COLEC12: variants seen among roughly 807,000 people sequenced by gnomAD.
COLEC12 encodes the protein collectin subfamily member 12, also known as collectin-12.
Under a neutral mutation model 71.1 loss-of-function variants are expected in COLEC12, and 33 were observed. The observed-to-expected ratio is 0.46, with a 90% confidence interval of 0.35 to 0.62. The LOEUF (loss-of-function observed/expected upper bound fraction) is 0.62. COLEC12 is among the 20% of genes least tolerant of loss of function. COLEC12 has a pLI of 0.00. For missense variants in COLEC12, 765 were observed against 916.1 expected (o/e 0.84, Z 2.13); for synonymous variants, 350 against 353.0 (o/e 0.99, Z 0.10).
chr18:346,642 A>T lies in COLEC12; in HGVS notation c.980T>A (p.Ile327Asn). ...LHKDAENRTA[I>N]KFNQLEERFQ... is the part of the protein sequence containing the mutation. The stretch of plus-strand genomic sequence containing the variant: ...GCGTTCCTCCAGTTGGTTGAACTTG[A>T]TGGCTGTTCTATTCTCTGCATCTTT... Residue 327 changes from isoleucine to asparagine, a missense_variant, in exon 5 of 10, where the codon ATC becomes AAC. Coordinates refer to ENST00000400256, the MANE Select transcript of COLEC12 (RefSeq NM_130386.3). The surrounding 1 kb of genome is among the most constrained non-coding windows in gnomAD (Gnocchi z 4.0). The T allele has an allele frequency of 6.2e-7, 1 of 1,614,124 alleles. No individual in the cohort carries two copies. The highest frequency in any genetic ancestry group is 8.5e-7 in the Non-Finnish European group (1 of 1,180,018).
At chr18:366,233 G>C (rs1317172850) in intron 2 of COLEC12, among the ~76,000 whole-genome samples, 8 of 152,190 alleles carry the variant, frequency 5.3e-5, no homozygotes, top group African/African-American at 1.4e-4. Flanking sequence ...TGTAGCGGGG[G>C]ACGTAGATGT....
chr18:435,060 T>G (rs1916377654), intron 2 of COLEC12, among the ~76,000 whole-genome samples: 1 of 152,250 alleles, frequency 6.6e-6, no homozygotes, highest in African/African-American at 2.4e-5. Flanking sequence ...GCAACTATTC[T>G]GATATTTTAA....
intron 2 of COLEC12, among the ~76,000 whole-genome samples, chr18:369,401 T>TTTTTTA (rs1314793209): frequency 0.15 from 19,240 of 131,560 alleles, 1,059 homozygotes; most frequent in South Asian, 0.19. Flanking sequence ...TTTTTTATTT[T>TTTTTTA]TTTTTATTTT....
chr18:368,857 C>G (rs940681134), intron 2 of COLEC12, among the ~76,000 whole-genome samples: 26 of 152,176 alleles, frequency 1.7e-4, no homozygotes, highest in Non-Finnish European at 2.9e-5. Flanking sequence ...CAGAGCGAGA[C>G]TCCGTCTCAA....
intron 8 of COLEC12, among the ~76,000 whole-genome samples, chr18:329,555 T>C (rs1384803331): frequency 6.6e-6 from 1 of 152,222 alleles, no homozygotes; most frequent in Non-Finnish European, 1.5e-5. Flanking sequence ...GTGTCCCTGC[T>C]GTGTTGGGCA....
chr18:341,265 T>C (rs1914246421), intron 5 of COLEC12, among the ~76,000 whole-genome samples: 1 of 152,224 alleles, frequency 6.6e-6, no homozygotes, highest in African/African-American at 2.4e-5. Flanking sequence ...CTGTCTGCCA[T>C]TTACTAGTTG....
At chr18:363,337 G>A (rs1364600752) in intron 2 of COLEC12, among the ~76,000 whole-genome samples, 1 of 152,164 alleles carries the variant, frequency 6.6e-6, no homozygotes, top group African/African-American at 2.4e-5. Flanking sequence ...CCCCTTCCTT[G>A]GTAGGTGGAG....
rs577337362 is a variant in COLEC12 at position 327,813 on chromosome 18, C to T, written c.2063+3855G>A. On this transcript the variant is annotated intron_variant, in intron 8 of 9. Transcript: ENST00000400256. This position sits in a 1 kb window ranked among gnomAD's most constrained non-coding sequence, Gnocchi z 4.0. ...TTCCTAGCCTGGGCAAGGGATGGGA[C>T]GGTGCCAGGCCCATCGGCTTCTATT... 7.2e-5 allele frequency among the ~76,000 whole-genome samples: 11 copies of T among 152,192 alleles called. No homozygotes were observed. Among genetic ancestry groups the T allele is most frequent in the African/African-American group, 1.2e-4 (5 of 41,460 alleles).
intron 2 of COLEC12, among the ~76,000 whole-genome samples, chr18:420,053 A>G (rs1916066474): frequency 2.0e-5 from 3 of 152,142 alleles, no homozygotes; most frequent in East Asian, 1.9e-4. Context: ...CGCCCCCAGC[A>G]ATTCCAACTC....
rs141783430 is a variant in COLEC12 at position 499,760 on chromosome 18, C to T, written c.7+748G>A. 1.2e-3 allele frequency among the ~76,000 whole-genome samples: 176 copies of T among 152,352 alleles called. 1 individual carries two copies. The highest frequency in any genetic ancestry group is 4.6e-3 in the South Asian group (22 of 4,834). ...CAGAAGGCTGCCCTGCAGTCCTTCT[C>T]GTGCTTCTTTCTAAAGTACGATAAC... On this transcript the variant is annotated intron_variant, in intron 1 of 9. Transcript: ENST00000400256.
intron 2 of COLEC12, among the ~76,000 whole-genome samples, chr18:433,368 T>C (rs144037102): frequency 1.6e-3 from 247 of 152,256 alleles, no homozygotes; most frequent in African/African-American, 5.6e-3. Context: ...GGCTGCCCTT[T>C]AGTTTTCTAC....
rs139872580 is a variant in COLEC12 at position 465,941 on chromosome 18, G to A, written c.58+14766C>T. Among the ~76,000 whole-genome samples the A allele has an allele frequency of 6.2e-4, 95 of 152,244 alleles. 1 individual carries two copies. The East Asian group carries it at 0.017, about 28-fold the overall frequency. On this transcript the variant is annotated intron_variant, in intron 2 of 9. Coordinates refer to ENST00000400256, the MANE Select transcript of COLEC12 (RefSeq NM_130386.3). ...ATATAAACATTAGCCGGGCGTGGGG[G>A]CACAAACCTGTAGTCCCAGCCACTT...
chr18:496,910 TAAC>T (rs1459493129), intron 1 of COLEC12, among the ~76,000 whole-genome samples: 2 of 152,186 alleles, frequency 1.3e-5, no homozygotes, highest in Non-Finnish European at 2.9e-5. Context: ...ACGACACACG[TAAC>T]TCTAGAGGAG....
At chr18:420,886 T>TCTA (rs10637514) in intron 2 of COLEC12, among the ~76,000 whole-genome samples, 139,060 of 151,902 alleles carry the variant, frequency 0.92, 64,390 homozygotes, top group East Asian at 1. Flanking sequence ...CCACACCTCC[T>TCTA]CTACCTGGCC....
At chr18:393,379 T>G in intron 2 of COLEC12, among the ~76,000 whole-genome samples, 1 of 151,676 alleles carries the variant, frequency 6.6e-6, no homozygotes. Flanking sequence ...CATATTTCCC[T>G]TTTTTCTTTG....
chr18:357,408 C>A lies in COLEC12; in HGVS notation c.173G>T (p.Gly58Val), dbSNP rs765554354. ...ALLTITVAIL[G>V]YKVVEKMDNV... ...AAAGAAAGCATGCTTACCTTTATAT[C>A]CCAAAATGGCTACTGTGATTGTTAG... Residue 58 changes from glycine (G) to valine (V), a missense_variant, in exon 3 of 10, where the codon GGA becomes GTA. Gly to Val is a moderately radical substitution (Grantham distance 109). Coordinates refer to ENST00000400256, the MANE Select transcript of COLEC12 (RefSeq NM_130386.3). The A allele has an allele frequency of 6.3e-7, 1 of 1,595,544 alleles. No individual in the cohort carries two copies. The highest frequency in any genetic ancestry group is 1.2e-5 in the South Asian group (1 of 85,088).
At position 449,481 on chromosome 18, in the gene COLEC12, T is replaced by C. The variant is rs1916716325; in HGVS notation, c.58+31226A>G. Among the ~76,000 whole-genome samples the C allele has an allele frequency of 2.0e-5, 3 of 152,348 alleles. No individual in the cohort carries two copies. The South Asian group carries it at 6.2e-4, about 32-fold the overall frequency. On this transcript the variant is annotated intron_variant, in intron 2 of 9. Coordinates refer to ENST00000400256, the MANE Select transcript of COLEC12 (RefSeq NM_130386.3). Reference sequence around the variant, plus strand: ...GAAACAAACTCTGCAAAGCTGTCAGTTGCTTCATAGGTCACTGTAATGAAG... The same window carrying C: ...GAAACAAACTCTGCAAAGCTGTCAGCTGCTTCATAGGTCACTGTAATGAAG...
chr18:401,701 A>ATAC (rs1915690695), intron 2 of COLEC12, among the ~76,000 whole-genome samples: 2 of 152,210 alleles, frequency 1.3e-5, no homozygotes, highest in African/African-American at 4.8e-5. Context: ...CCTTGGAGAT[A>ATAC]CTTTAATACC....
chr18:452,008 T>C (rs1422682845), intron 2 of COLEC12, among the ~76,000 whole-genome samples: 2 of 152,176 alleles, frequency 1.3e-5, no homozygotes, highest in African/African-American at 2.4e-5. Flanking sequence ...CTTAAACTCT[T>C]CTCTATTTTT....
Sources: allele counts gnomAD v4.1 joint callset (sites outside exome capture counted in the v4.1 genomes callset), GRCh38; gene constraint gnomAD v4.1.1; non-coding constraint Gnocchi (gnomAD v3.1); transcripts MANE v1.5; gene names NCBI Gene and HGNC (gene_info 2026-07-23, HGNC 2026-07-21).